Variants in FBXO9 observed in about 807,000 individuals in gnomAD.
FBXO9 encodes F-box protein 9.
A neutral mutation model predicts 63.7 loss-of-function variants in FBXO9; 43 were observed. The ratio of observed to expected loss-of-function variants is 0.67; its 90% CI spans 0.53 to 0.87. The LOEUF is 0.87. Among genes scored for constraint, FBXO9 ranks in the 40% least tolerant of loss-of-function variants. The pLI, the probability that FBXO9 is intolerant of heterozygous loss-of-function variation, is 0.00. For missense variants in FBXO9, 442 were observed against 533.2 expected, an observed-to-expected ratio of 0.83 and a Z score of 1.68; for synonymous variants, 156 against 171.7, an observed-to-expected ratio of 0.91 and a Z score of 0.72.
Position 53,071,072 on chromosome 6 carries a change from G to C in FBXO9, c.19G>C (p.Asp7His). 6.4e-7 allele frequency: 1 copy of C among 1,574,592 alleles called. No individual in the cohort carries two copies. The highest frequency in any genetic ancestry group is 8.6e-7 in the Non-Finnish European group (1 of 1,158,068). ...CCCCCCTCAGGCAGAAGCTGAGGAA[G>C]ATTGTCATTCTGATACTGTCAGAGC... MAEAEE[D>H]CHSDTVRADD... The change falls in exon 2 of 13, where the codon GAT (aspartate) becomes CAT (histidine). Residue 7 changes from aspartate (D) to histidine (H), a missense_variant. This residue lies in a region of FBXO9 where 180 missense variants were observed against 171.1 expected (regional missense o/e 1.05). Transcript: ENST00000323557.
Position 53,082,457 on chromosome 6 carries a change from T to C in FBXO9, c.539-47T>C, listed in dbSNP as rs200461599. 2.2e-5 allele frequency: 28 copies of C among 1,257,748 alleles called. No individual in the cohort carries two copies. In the Admixed American group the frequency reaches 4.3e-4, roughly 19 times the overall value. The allele number at this position is 1,257,748 out of a possible 1,614,324, so 77.9% of individuals were successfully genotyped here. A position where few individuals can be genotyped will look rare whatever the true frequency, so the allele number is the denominator to read the frequency against. On this transcript the variant is annotated intron_variant, in intron 6 of 12. Transcript: ENST00000323557. ...TGTACTGGGAATGTAGTTGTGACAA[T>C]AGAATGACATAGAGGAGAGTCACTG... is the stretch of plus-strand genomic sequence containing the variant.
intron 7 of FBXO9, among the ~76,000 whole-genome samples, chr6:53,088,792 G>A (rs535675481): frequency 3.9e-5 from 6 of 152,118 alleles, no homozygotes; most frequent in African/African-American, 1.4e-4. Context: ...TAGAGACGGG[G>A]TTTCACCATT....
intron 7 of FBXO9, among the ~76,000 whole-genome samples, chr6:53,084,183 G>GA (rs1769399497): frequency 6.6e-6 from 1 of 152,220 alleles, no homozygotes; most frequent in East Asian, 1.9e-4. Context: ...TTTGAGCCAT[G>GA]AACCTAGGCT....
intron 1 of FBXO9, chr6:53,066,128 A>G (rs915240264): frequency 8.9e-6 from 10 of 1,122,336 alleles, no homozygotes; most frequent in Non-Finnish European, 1.1e-5. Flanking sequence ...GGATTTTATC[A>G]GAAGCATTGA....
intron 3 of FBXO9, 172 bp downstream of exon 3, chr6:53,073,811 C>T (rs1769004590): frequency 3.7e-6 from 2 of 533,978 alleles, no homozygotes; most frequent in Non-Finnish European, 6.4e-6. Flanking sequence ...ACAATTTCTT[C>T]TAGGTACTTT....
At position 53,088,119 on chromosome 6, in the gene FBXO9, T is replaced by G. The variant is rs2744453; in HGVS notation, c.654-4310T>G. Among the ~76,000 whole-genome samples, 886 of 152,338 alleles carry G rather than the reference T, an allele frequency of 5.8e-3. 6 individuals carry two copies. The highest frequency in any genetic ancestry group is 0.02 in the African/African-American group (839 of 41,566). On this transcript the variant is annotated intron_variant, in intron 7 of 12. Transcript: ENST00000323557. Reference sequence around the variant, plus strand: ...CCAAAAATATATCCTTGTAACTTTCTTCACATCTCTGTCTCCTACTTACTG... The same window carrying G: ...CCAAAAATATATCCTTGTAACTTTCGTCACATCTCTGTCTCCTACTTACTG...
At chr6:53,095,872 TCATATAGTACC>T (rs1438619174) in intron 12 of FBXO9, among the ~76,000 whole-genome samples, 2 of 152,150 alleles carry the variant, frequency 1.3e-5, no homozygotes, top group African/African-American at 4.8e-5. Flanking sequence ...TCTGGAACAC[TCATATAGTACC>T]CATTGGAATG....
intron 1 of FBXO9, among the ~76,000 whole-genome samples, chr6:53,069,752 T>C (rs1768842436): frequency 6.6e-6 from 1 of 152,188 alleles, no homozygotes; most frequent in Non-Finnish European, 1.5e-5. Context: ...TGGACTTTAT[T>C]TGAATCTTGA....
At chr6:53,096,764 G>T (rs535612197) in intron 12 of FBXO9, among the ~76,000 whole-genome samples, 2 of 152,204 alleles carry the variant, frequency 1.3e-5, no homozygotes, top group South Asian at 4.2e-4. Flanking sequence ...TATTTGCCGG[G>T]CATGGTGGTA....
At position 53,092,529 on chromosome 6, in the gene FBXO9, C is replaced by T. The variant is rs1763070866; in HGVS notation, c.754C>T (p.Pro252Ser). 3.1e-6 allele frequency: 5 copies of T among 1,613,498 alleles called. No homozygotes were observed. The East Asian group carries it at 1.1e-4, about 36-fold the overall frequency. ...CTGGAGAGAGATGTTTTTAGAACGG[C>T]CTCGTGTTCGGTTTGATGGTAAGTT... ...TSWREMFLER[P>S]RVRFDGVYIS... is the part of the protein sequence containing the mutation. The change falls in exon 8 of 13, where the codon CCT becomes TCT. Residue 252 changes from proline (P) to serine (S), a missense_variant. Coordinates refer to ENST00000323557, the MANE Select transcript of FBXO9 (RefSeq NM_033480.3).
intron 3 of FBXO9, among the ~76,000 whole-genome samples, chr6:53,075,734 ATTATTTTTTTT>A (rs1353213411): frequency 2.4e-5 from 2 of 82,180 alleles, no homozygotes; most frequent in South Asian, 4.2e-4. Context: ...TATATATATA[ATTATTTTTTTT>A]TTTTTTTTTT....
intron 12 of FBXO9, 141 bp downstream of exon 12, chr6:53,095,805 C>A: frequency 2.6e-6 from 2 of 769,222 alleles, no homozygotes; most frequent in Non-Finnish European, 3.8e-6. Flanking sequence ...CAAACTACTA[C>A]AAACCAAGAA....
In FBXO9 at chr6:53,082,489, GATT is replaced by G. The variant is rs760392845; in HGVS notation, c.539-14_539-12del. On this transcript the variant is annotated splice_polypyrimidine_tract_variant and intron_variant, in intron 6 of 12. Transcript: ENST00000323557. The stretch of plus-strand genomic sequence containing the variant: ...ACATAGAGGAGAGTCACTGAAGGAT[GATT>G]TTCTTTTGCAGTGCTGCCAATGGAG... 1.3e-6 allele frequency: 2 copies of G among 1,572,562 alleles called. No homozygotes were observed. Among genetic ancestry groups the G allele is most frequent in the Non-Finnish European group, 8.7e-7 (1 of 1,144,180 alleles).
intron 7 of FBXO9, among the ~76,000 whole-genome samples, chr6:53,087,396 G>A (rs576713916): frequency 1.4e-5 from 2 of 146,722 alleles, no homozygotes; most frequent in Non-Finnish European, 3.0e-5. Flanking sequence ...GCTATTAACA[G>A]CAGAGCTAGA....
In FBXO9 at chr6:53,078,880, A is replaced by T; in HGVS notation, c.389A>T (p.Asp130Val). 6.2e-7 allele frequency: 1 copy of T among 1,613,586 alleles called. No individual in the cohort carries two copies. Among genetic ancestry groups the T allele is most frequent in the South Asian group, 1.1e-5 (1 of 91,076 alleles). The change falls in exon 5 of 13, where the codon GAT becomes GTT. Residue 130 changes from aspartate to valine, a missense_variant. Physicochemically the swap from Asp to Val is radical, Grantham distance 152 (BLOSUM62 -3). Coordinates refer to ENST00000323557, the MANE Select transcript of FBXO9 (RefSeq NM_033480.3). ...KITYTRSPDG[D>V]GVGNSYIEDN... ...ACTTATACCCGGTCTCCAGATGGTG[A>T]TGGCGTTGGAAACAGCTAGTGCGTA... is the stretch of plus-strand genomic sequence containing the variant.
At chr6:53,088,293 G>GA (rs977225589) in intron 7 of FBXO9, among the ~76,000 whole-genome samples, 4 of 151,740 alleles carry the variant, frequency 2.6e-5, no homozygotes, top group Admixed American at 6.6e-5. Context: ...AAAGTGTGAA[G>GA]AAAAAAAATA....
rs543254531 is a variant in FBXO9, at chr6:53,089,093, A to G, written c.654-3336A>G. Among the ~76,000 whole-genome samples, 18 of 136,898 alleles carry G rather than the reference A, an allele frequency of 1.3e-4. No homozygotes were observed. In the East Asian group the frequency reaches 3.2e-3, roughly 25 times the overall value. The allele number at this position is 136,898 out of a possible 152,430, so 89.8% of individuals were successfully genotyped here. A position where few individuals can be genotyped will look rare whatever the true frequency, so the allele number is the denominator to read the frequency against. ...TGTTTGTTTTTGTTTTTTTTTTTCCAGGCGGAGTGTCGCTCTGCCGCCCAG... is the reference window on the plus strand; with the variant it reads ...TGTTTGTTTTTGTTTTTTTTTTTCCGGGCGGAGTGTCGCTCTGCCGCCCAG... On this transcript the variant is annotated intron_variant, in intron 7 of 12. Transcript: ENST00000323557.
chr6:53,085,024 G>A (rs1164784040), intron 7 of FBXO9, among the ~76,000 whole-genome samples: 1 of 151,988 alleles, frequency 6.6e-6, no homozygotes, highest in Admixed American at 6.6e-5. Context: ...TATAACTAAT[G>A]TTTCTAATTG....
At chr6:53,067,227 A>G (rs151065575) in intron 1 of FBXO9, among the ~76,000 whole-genome samples, 8 of 152,340 alleles carry the variant, frequency 5.3e-5, no homozygotes, top group African/African-American at 1.9e-4. Flanking sequence ...TCAGTAGATC[A>G]CCATACCTCT....
Sources: allele counts gnomAD v4.1 joint callset (sites outside exome capture counted in the v4.1 genomes callset), GRCh38; gene constraint gnomAD v4.1.1; regional missense constraint gnomAD v4.1.1; transcripts MANE v1.5; gene names NCBI Gene and HGNC (gene_info 2026-07-23, HGNC 2026-07-21).